Variants in DYTN observed in about 807,000 individuals in gnomAD.
The protein encoded by DYTN is dystrotelin.
Under a neutral mutation model 69.6 loss-of-function variants are expected in DYTN, and 75 were observed. The observed-to-expected ratio is 1.08, with a 90% CI of 0.89 to 1.31. The LOEUF (loss-of-function observed/expected upper bound fraction) is 1.31, where lower values mean the gene tolerates loss of function less well. DYTN is among the 50% of genes most tolerant of loss of function. The pLI is 0.00. For missense variants in DYTN, 726 were observed against 688.4 expected (o/e 1.05, Z -0.61); for synonymous variants, 252 against 249.1 (o/e 1.01, Z -0.11).
intron 7 of DYTN, among the ~76,000 whole-genome samples, chr2:206,695,626 G>A (rs1221983372): frequency 1.3e-5 from 2 of 152,184 alleles, no homozygotes; most frequent in Non-Finnish European, 2.9e-5. Flanking sequence ...TGATGTTAGT[G>A]GGGAGCTAGT....
rs936505114 is a variant in DYTN, at chr2:206,651,796, GC to G, written c.*21del. The G allele has an allele frequency of 6.2e-6, 10 of 1,602,974 alleles. No homozygotes were observed. The African/African-American group carries it at 1.2e-4, about 19-fold the overall frequency. ...CTGCATTTTGTCATCACACCAAGAGGCCTTTGAGCCTGGACTCCATTTCACT... is the reference window on the plus strand; with the variant it reads ...CTGCATTTTGTCATCACACCAAGAGGCTTTGAGCCTGGACTCCATTTCACT... On this transcript the variant is annotated 3_prime_UTR_variant, in exon 12 of 12. Transcript: ENST00000452335.
chr2:206,713,533 G>A (rs68002129), intron 1 of DYTN, among the ~76,000 whole-genome samples: 15,661 of 152,164 alleles, frequency 0.1, 1,588 homozygotes, highest in East Asian at 0.51. Context: ...GCGCTGGGGG[G>A]ATGGCCATGT....
chr2:206,710,470 C>T (rs1476584122), intron 2 of DYTN, 54 bp downstream of exon 2: 1 of 1,517,542 alleles, frequency 6.6e-7, no homozygotes, highest in Non-Finnish European at 9.0e-7. Flanking sequence ...ATGAATTTTA[C>T]ATCGCACATC....
At chr2:206,683,437 G>T (rs867186609) in intron 9 of DYTN, among the ~76,000 whole-genome samples, 1 of 146,254 alleles carries the variant, frequency 6.8e-6, no homozygotes, top group Admixed American at 7.1e-5. Context: ...TCTGCCTCCC[G>T]GGTTCAAGTG....
At chr2:206,682,830 T>C (rs1172844063) in intron 9 of DYTN, among the ~76,000 whole-genome samples, 2 of 152,170 alleles carry the variant, frequency 1.3e-5, no homozygotes, top group Non-Finnish European at 2.9e-5. Flanking sequence ...CCCATCTCGG[T>C]TGATGGCAAT....
At chr2:206,713,215 C>T (rs1057470898) in intron 1 of DYTN, among the ~76,000 whole-genome samples, 1 of 152,166 alleles carries the variant, frequency 6.6e-6, no homozygotes, top group Non-Finnish European at 1.5e-5. Context: ...TTAACATATA[C>T]ATTATGCCAC....
rs983942967 is a variant in DYTN, at chr2:206,710,677, G to T, written c.20-79C>A. ...CCACATCATGGAAGGAAATCCTAGA[G>T]ATCATGTAAGCTTACTTTATTTTGC... On this transcript the variant is annotated intron_variant, in intron 1 of 11. Transcript: ENST00000452335. The T allele has an allele frequency of 8.0e-5, 90 of 1,129,328 alleles. No homozygotes were observed. The Admixed American group carries it at 2.4e-3, about 30-fold the overall frequency. 70.0% of individuals were successfully genotyped at this position (1,129,328 alleles called of 1,614,324 possible).
intron 1 of DYTN, among the ~76,000 whole-genome samples, chr2:206,714,230 G>A (rs994698858): frequency 5.3e-5 from 8 of 151,980 alleles, no homozygotes; most frequent in African/African-American, 1.7e-4. Flanking sequence ...GTTTTGAGAC[G>A]GAGTCTCGCT....
intron 7 of DYTN, among the ~76,000 whole-genome samples, chr2:206,696,899 A>G (rs560427758): frequency 1.3e-4 from 20 of 152,202 alleles, no homozygotes; most frequent in Non-Finnish European, 2.6e-4. Flanking sequence ...TTCAATGAAC[A>G]TTAGTTGAAT....
Position 206,693,334 on chromosome 2 carries a change from G to T in DYTN, c.832-11C>A. The T allele has an allele frequency of 6.2e-7, 1 of 1,609,288 alleles. No homozygotes were observed. The highest frequency in any genetic ancestry group is 2.2e-5 in the East Asian group (1 of 44,860). On this transcript the variant is annotated splice_polypyrimidine_tract_variant and intron_variant, in intron 8 of 11. Coordinates refer to ENST00000452335, the MANE Select transcript of DYTN (RefSeq NM_001093730.1). ...CTGCATTGCTGACATCTGCTGAAAG[G>T]GCCAACATTTTTAAAAAGCGTCAGA...
chr2:206,664,389 G>T (rs901532263), intron 10 of DYTN, among the ~76,000 whole-genome samples: 2 of 152,184 alleles, frequency 1.3e-5, no homozygotes, highest in African/African-American at 4.8e-5. Flanking sequence ...GGGCGCAGTG[G>T]CTCATGTCTG....
intron 11 of DYTN, 42 bp from the exon 12 acceptor site, chr2:206,651,963 G>T (rs377529149): frequency 1.3e-6 from 2 of 1,550,808 alleles, no homozygotes; most frequent in South Asian, 1.2e-5. Context: ...GAAACATACC[G>T]GTAGCTTCTC....
At chr2:206,659,356 A>G (rs1699482369) in intron 11 of DYTN, among the ~76,000 whole-genome samples, 1 of 150,684 alleles carries the variant, frequency 6.6e-6, no homozygotes, top group Non-Finnish European at 1.5e-5. Flanking sequence ...TGTATTTTTT[A>G]GTAGAAACGG....
In DYTN at chr2:206,651,676, G is replaced by T; in HGVS notation, c.*142C>A. On this transcript the variant is annotated 3_prime_UTR_variant, in exon 12 of 12. Transcript: ENST00000452335. ...CAGAACTAAGATACATAAGTAGGGA[G>T]GGAGATCAAAAAACAAAACCTGTTT... 2 of 683,074 alleles carry T rather than the reference G, an allele frequency of 2.9e-6. No individual in the cohort carries two copies. The highest frequency in any genetic ancestry group is 2.5e-6 in the Non-Finnish European group (1 of 403,374). The allele number at this position is 683,074 out of a possible 1,614,324, so 42.3% of individuals were successfully genotyped here.
intron 11 of DYTN, among the ~76,000 whole-genome samples, chr2:206,653,501 T>G (rs1298765647): frequency 6.6e-6 from 1 of 152,202 alleles, no homozygotes; most frequent in Non-Finnish European, 1.5e-5. Flanking sequence ...ATAATTCACT[T>G]AAATGTAATT....
In DYTN at chr2:206,651,920, G is replaced by T. The variant is rs1440387573; in HGVS notation, c.1635C>A (p.Gly545=). Residue 545 remains glycine, a splice_region_variant and synonymous_variant, in exon 12 of 12, where the codon GGC becomes GGA. Transcript: ENST00000452335. The stretch of plus-strand genomic sequence containing the variant: ...GGTCCATGTTTACTGAAGACTCCGG[G>T]CCTGAAATCAACAAACAAGAGAGTC... The part of the protein sequence containing the change: ...MDAFNLETPS[G]PESSVNMDLY... 26 of 1,610,904 alleles carry T rather than the reference G, an allele frequency of 1.6e-5. No individual in the cohort carries two copies. Among genetic ancestry groups the T allele is most frequent in the Non-Finnish European group, 2.1e-5 (25 of 1,178,258 alleles).
At chr2:206,704,724 G>A in intron 5 of DYTN, 119 bp downstream of exon 5, 3 of 809,020 alleles carry the variant, frequency 3.7e-6, no homozygotes, top group Non-Finnish European at 6.0e-6. Flanking sequence ...ATGGAGGAGA[G>A]AGCTTGCATG....
chr2:206,666,559 T>G (rs1699574217), intron 9 of DYTN, among the ~76,000 whole-genome samples: 1 of 152,130 alleles, frequency 6.6e-6, no homozygotes, highest in Non-Finnish European at 1.5e-5. Flanking sequence ...CTAGAAATAC[T>G]CCATTCAGAA....
chr2:206,664,186 A>T (rs913119104), intron 10 of DYTN, among the ~76,000 whole-genome samples: 1 of 152,216 alleles, frequency 6.6e-6, no homozygotes, highest in African/African-American at 2.4e-5. Flanking sequence ...TGAAGTGGGA[A>T]GTGTGCATAA....
Sources: allele counts gnomAD v4.1 joint callset (sites outside exome capture counted in the v4.1 genomes callset), GRCh38; gene constraint gnomAD v4.1.1; transcripts MANE v1.5; gene names NCBI Gene and HGNC (gene_info 2026-07-23, HGNC 2026-07-21).